The following CASP1 variants were observed in gnomAD, a reference collection of about 807,000 sequenced individuals.
CASP1 encodes caspase 1.
In CASP1, 31 loss-of-function variants were observed where a neutral mutation model predicts 41.2. That is an observed-to-expected ratio of 0.75 (90% CI 0.57 to 1.02). The LOEUF is 1.02. Ranked by LOEUF, CASP1 falls within the 50% of genes least tolerant of loss-of-function variation. The pLI, the probability that CASP1 is intolerant of heterozygous loss-of-function variation, is 0.00. For synonymous variants in CASP1, 163 were observed against 166.5 expected (o/e 0.98, Z 0.16); for missense variants, 490 against 495.7 (o/e 0.99, Z 0.11).
rs1863358983 is a variant in CASP1 at position 105,027,161 on chromosome 11, A to C, written c.1007-210T>G. The stretch of plus-strand genomic sequence containing the variant: ...TCCCAAAGTGGTATTACTGACTGTG[A>C]TTTAAGTTAATTATGCATTCTGATA... On this transcript the variant is annotated intron_variant, in intron 7 of 8. Transcript: ENST00000533400. 2.7e-5 allele frequency: 17 copies of C among 620,346 alleles called. No homozygotes were observed. The South Asian group carries it at 3.3e-4, about 12-fold the overall frequency. 38.4% of individuals were successfully genotyped at this position (620,346 alleles called of 1,614,324 possible). A position where few individuals can be genotyped will look rare whatever the true frequency, so the allele number is the denominator to read the frequency against.
rs1232596774 is a variant in CASP1 at position 105,031,293 on chromosome 11, A to G, written c.338-13T>C. 1 of 1,465,730 alleles carries G rather than the reference A, an allele frequency of 6.8e-7. No individual in the cohort carries two copies. The highest frequency in any genetic ancestry group is 1.1e-5 in the South Asian group (1 of 88,078). 90.8% of individuals were successfully genotyped at this position (1,465,730 alleles called of 1,614,324 possible). ...ACTGCCTGAGGAGCTGCAAGAGACA[A>G]AGAACATCATGAACAGTGGCATCCC... is the stretch of plus-strand genomic sequence containing the variant. On this transcript the variant is annotated splice_polypyrimidine_tract_variant and intron_variant, in intron 3 of 8. Transcript: ENST00000533400.
intron 3 of CASP1, 71 bp from the exon 4 acceptor site, chr11:105,031,351 A>G: frequency 2.4e-6 from 2 of 823,570 alleles, no homozygotes; most frequent in East Asian, 5.0e-5. Flanking sequence ...TTACAGCCTC[A>G]CCTATGGATG....
At position 105,029,225 on chromosome 11, in the gene CASP1, G is replaced by T. The variant is rs775687305; in HGVS notation, c.905C>A (p.Ser302Tyr). ...TGTAGTTGGTAAAGATAGGTTTCCAGAAACTCCTACTGAATCTTTAAACCA... is the reference window on the plus strand; with the variant it reads ...TGTAGTTGGTAAAGATAGGTTTCCATAAACTCCTACTGAATCTTTAAACCA... ...VVWFKDSVGVSGNLSLPTTEE... is the reference protein window; with the variant it reads ...VVWFKDSVGVYGNLSLPTTEE... The change falls in exon 7 of 9, where the codon TCT becomes TAT. Residue 302 changes from serine to tyrosine, a missense_variant. Transcript: ENST00000533400. 1 of 1,613,210 alleles carries T rather than the reference G, an allele frequency of 6.2e-7. No homozygotes were observed. The highest frequency in any genetic ancestry group is 8.5e-7 in the Non-Finnish European group (1 of 1,179,500).
chr11:105,036,476 G>A (rs1864024670), upstream of CASP1, among the ~76,000 whole-genome samples: 4 of 152,248 alleles, frequency 2.6e-5, no homozygotes, highest in South Asian at 8.3e-4. Context: ...GTTATGGGAG[G>A]TATCTGGTGG....
intron 7 of CASP1, among the ~76,000 whole-genome samples, 163 bp downstream of exon 7, chr11:105,028,961 G>A (rs1298456222): frequency 6.6e-6 from 1 of 152,104 alleles, no homozygotes; most frequent in Non-Finnish European, 1.5e-5. Context: ...GTAATGCATT[G>A]AACAGATATG....
chr11:105,026,776 G>T (rs1318937833), intron 8 of CASP1, 66 bp downstream of exon 8: 2 of 840,682 alleles, frequency 2.4e-6, no homozygotes, highest in Non-Finnish European at 4.2e-6. Context: ...TGCTTTCTAT[G>T]CTTCCAATTG....
At chr11:105,027,013 C>A (rs543054010) in intron 7 of CASP1, 62 bp from the exon 8 acceptor site, 4 of 946,500 alleles carry the variant, frequency 4.2e-6, no homozygotes, top group Admixed American at 1.7e-5. Flanking sequence ...GAGAAGAAAC[C>A]CTAGTATTTA....
At chr11:105,035,158 G>C (rs373997855), upstream of CASP1, 18 of 1,613,654 alleles carry the variant, frequency 1.1e-5, no homozygotes, top group African/African-American at 1.6e-4. Context: ...CTGAAAGTAT[G>C]CTTCGCCTTC....
upstream of CASP1, chr11:105,035,224 A>G (rs553961449): frequency 2.2e-6 from 3 of 1,382,184 alleles, no homozygotes; most frequent in African/African-American, 2.9e-5. Flanking sequence ...ATGCATATGC[A>G]TGTCTTTATT....
intron 3 of CASP1, among the ~76,000 whole-genome samples, chr11:105,032,324 G>A (rs1591202520): frequency 6.6e-6 from 1 of 152,150 alleles, no homozygotes; most frequent in African/African-American, 2.4e-5. Flanking sequence ...AAGTAGTTAG[G>A]TTATTTTTGA....
chr11:105,027,140 A>T, intron 7 of CASP1, 189 bp from the exon 8 acceptor site: 1 of 647,056 alleles, frequency 1.5e-6, no homozygotes, highest in Non-Finnish European at 2.8e-6. Context: ...GTGCATTCCC[A>T]AAGTGGTATT....
At position 105,029,853 on chromosome 11, in the gene CASP1, T is replaced by C. The variant is rs913198275; in HGVS notation, c.674A>G (p.Lys225Arg). The change falls in exon 6 of 9, where the codon AAG becomes AGG. Residue 225 changes from lysine (K) to arginine (R), a missense_variant. Physicochemically the swap from Lys to Arg is conservative, Grantham distance 26. Transcript: ENST00000533400. ...CACCAGGAACGTGCTGTCAGAGGTC[T>C]TGTGCTCTGGGCGGTGTGCAAATGC... ...LEAFAHRPEH[K>R]TSDSTFLVFM... is the part of the protein sequence containing the mutation. 1 of 1,613,802 alleles carries C rather than the reference T, an allele frequency of 6.2e-7. No individual in the cohort carries two copies. The highest frequency in any genetic ancestry group is 8.5e-7 in the Non-Finnish European group (1 of 1,179,742).
chr11:105,027,901 T>C (rs1863421040), intron 7 of CASP1, among the ~76,000 whole-genome samples: 1 of 152,140 alleles, frequency 6.6e-6, no homozygotes, highest in Non-Finnish European at 1.5e-5. Flanking sequence ...ATGGAAGTTA[T>C]AGATAACTGA....
chr11:105,036,527 TTC>T (rs1299682016), upstream of CASP1, among the ~76,000 whole-genome samples: 1 of 152,134 alleles, frequency 6.6e-6, no homozygotes, highest in Non-Finnish European at 1.5e-5. Flanking sequence ...TTCCATGCTG[TTC>T]TCTTGATAAT....
intron 2 of CASP1, 92 bp from the exon 3 acceptor site, chr11:105,033,218 C>A: frequency 1.5e-6 from 1 of 683,776 alleles, no homozygotes; most frequent in Non-Finnish European, 2.6e-6. Flanking sequence ...AAAAATTTCT[C>A]CCATAACACT....
upstream of CASP1, among the ~76,000 whole-genome samples, chr11:105,035,696 G>A (rs1208176216): frequency 7.4e-6 from 1 of 135,704 alleles, no homozygotes; most frequent in Non-Finnish European, 1.5e-5. Context: ...GCTCACTGCA[G>A]CCTCCACTTC....
intron 6 of CASP1, 26 bp downstream of exon 6, chr11:105,029,639 G>T (rs150630061): frequency 1.3e-6 from 2 of 1,508,750 alleles, no homozygotes; most frequent in Non-Finnish European, 9.2e-7. Flanking sequence ...TGATTGTCTG[G>T]TGTTCTCAAA....
At chr11:105,028,128 A>G (rs960119178) in intron 7 of CASP1, among the ~76,000 whole-genome samples, 1 of 152,222 alleles carries the variant, frequency 6.6e-6, no homozygotes, top group Admixed American at 6.5e-5. Flanking sequence ...CTGAAAATAT[A>G]TGGTGTTTTT....
intron 3 of CASP1, 123 bp from the exon 4 acceptor site, chr11:105,031,403 G>C (rs914212069): frequency 1.8e-6 from 1 of 559,414 alleles, no homozygotes; most frequent in African/African-American, 1.9e-5. Flanking sequence ...GGACAATCCT[G>C]ATCTACATCA....
Sources: allele counts gnomAD v4.1 joint callset (sites outside exome capture counted in the v4.1 genomes callset), GRCh38; gene constraint gnomAD v4.1.1; transcripts MANE v1.5; gene names NCBI Gene and HGNC (gene_info 2026-07-23, HGNC 2026-07-21).